LIMD1: variants seen among roughly 807,000 people sequenced by gnomAD.
LIMD1 encodes LIM domain containing 1, also known as LIM domain-containing protein 1.
A neutral mutation model predicts 58.4 loss-of-function variants in LIMD1; 23 were observed. The observed-to-expected ratio is 0.39, with a 90% CI of 0.28 to 0.56. The LOEUF is 0.56. Ranked by LOEUF, LIMD1 falls within the 20% of genes least tolerant of loss-of-function variation. The probability of loss-of-function intolerance (pLI) is 0.57; values close to 1 mark genes in which losing one functional copy is unlikely to be tolerated. For synonymous variants in LIMD1, 334 were observed against 345.5 expected (o/e 0.97, Z 0.37); for missense variants, 838 against 855.5 (o/e 0.98, Z 0.25).
intron 1 of LIMD1, among the ~76,000 whole-genome samples, 200 bp downstream of exon 1, chr3:45,596,487 G>A (rs554676959): frequency 6.6e-6 from 1 of 152,292 alleles, no homozygotes; most frequent in South Asian, 2.1e-4. Flanking sequence ...GGCAGAAAGC[G>A]GACCTTGCAG....
At position 45,679,886 on chromosome 3, in the gene LIMD1, A is replaced by C. The variant is rs1697717822; in HGVS notation, c.*2827A>C. 6.6e-6 allele frequency: 1 copy of C among 151,762 alleles called. No individual in the cohort carries two copies. The allele number at this position is 151,762 out of a possible 1,614,324, so 9.4% of individuals were successfully genotyped here. On this transcript the variant is annotated 3_prime_UTR_variant, in exon 8 of 8. Transcript: ENST00000273317. ...TCACCACAGAAGGGCATTTAGTCCTACCCAGCCATCGGCTGCGTATGACAG... is the reference window on the plus strand; with the variant it reads ...TCACCACAGAAGGGCATTTAGTCCTCCCCAGCCATCGGCTGCGTATGACAG...
At chr3:45,638,825 A>C (rs1322811097) in intron 2 of LIMD1, among the ~76,000 whole-genome samples, 2 of 152,134 alleles carry the variant, frequency 1.3e-5, no homozygotes, top group Admixed American at 6.5e-5. Flanking sequence ...TTGACTTTTT[A>C]ATAATGGCCA....
chr3:45,664,058 A>G (rs1697480570), intron 2 of LIMD1, among the ~76,000 whole-genome samples: 1 of 151,706 alleles, frequency 6.6e-6, no homozygotes, highest in African/African-American at 2.4e-5. Flanking sequence ...TTTAGTAGAG[A>G]TGGGGTTTCA....
At chr3:45,607,977 C>T (rs1701484835) in intron 1 of LIMD1, among the ~76,000 whole-genome samples, 2 of 152,236 alleles carry the variant, frequency 1.3e-5, no homozygotes, top group African/African-American at 4.8e-5. Context: ...GTTCCCTCCC[C>T]TCCTGCTACC....
intron 1 of LIMD1, among the ~76,000 whole-genome samples, chr3:45,625,004 CTT>C (rs1701657050): frequency 6.6e-6 from 1 of 150,868 alleles, no homozygotes; most frequent in Non-Finnish European, 1.5e-5. Context: ...TTCAGGGTAA[CTT>C]ATTTCACGTG....
chr3:45,685,280 G>A lies in LIMD1; in HGVS notation c.*8221G>A, dbSNP rs1324002781. On this transcript the variant is annotated 3_prime_UTR_variant, in exon 8 of 8. Transcript: ENST00000273317. ...TGGCCTTTAAAAACCCCAGAAGAAT[G>A]GGGTTTCTGCCAGATTATTTTCTGG... is the stretch of plus-strand genomic sequence containing the variant. 2.6e-5 allele frequency: 4 copies of A among 152,150 alleles called. No individual in the cohort carries two copies. Among genetic ancestry groups the A allele is most frequent in the Admixed American group, 6.5e-5 (1 of 15,284 alleles). The allele number at this position is 152,150 out of a possible 1,614,324, so 9.4% of individuals were successfully genotyped here.
chr3:45,663,868 A>ATTTTTTTTTTTTTTTTTTTTT lies in LIMD1; in HGVS notation c.1511-1762_1511-1761insTTTTTTTTTTTTTTTTTTTTT, dbSNP rs553757543. Reference sequence around the variant, plus strand: ...TAGTGCGTGGCACCATGCCTGGCTAATTTTTTTTTTTTTTTTTTTTGAGAC... The same window carrying ATTTTTTTTTTTTTTTTTTTTT: ...TAGTGCGTGGCACCATGCCTGGCTAATTTTTTTTTTTTTTTTTTTTTTTTTTTTTTTTTTTTTTTTTGAGAC... On this transcript the variant is annotated intron_variant, in intron 2 of 7. Transcript: ENST00000273317. 8.8e-4 allele frequency among the ~76,000 whole-genome samples: 91 copies of ATTTTTTTTTTTTTTTTTTTTT among 102,842 alleles called. 2 individuals are homozygous for ATTTTTTTTTTTTTTTTTTTTT. The highest frequency in any genetic ancestry group is 2.6e-3 in the African/African-American group (61 of 23,344). 67.5% of individuals were successfully genotyped at this position (102,842 alleles called of 152,430 possible).
rs950794863 is a variant in LIMD1 at position 45,684,971 on chromosome 3, C to T, written c.*7912C>T. ...TAAAAGAAAAGCCTTACCAAGGACT[C>T]CTGTACCCTATCTGCCTAAATTTTT... On this transcript the variant is annotated 3_prime_UTR_variant, in exon 8 of 8. Transcript: ENST00000273317. 6.6e-6 allele frequency: 1 copy of T among 152,156 alleles called. No homozygotes were observed. Among genetic ancestry groups the T allele is most frequent in the Admixed American group, 6.5e-5 (1 of 15,286 alleles). 9.4% of individuals were successfully genotyped at this position (152,156 alleles called of 1,614,324 possible). A position where few individuals can be genotyped will look rare whatever the true frequency, so the allele number is the denominator to read the frequency against.
chr3:45,650,432 A>C (rs1701955947), intron 2 of LIMD1, among the ~76,000 whole-genome samples: 1 of 151,994 alleles, frequency 6.6e-6, no homozygotes, highest in Non-Finnish European at 1.5e-5. Flanking sequence ...GGCTTACTGT[A>C]CCCATAAACT....
chr3:45,615,438 G>A (rs1251433780), intron 1 of LIMD1, among the ~76,000 whole-genome samples: 1 of 152,118 alleles, frequency 6.6e-6, no homozygotes, highest in Non-Finnish European at 1.5e-5. Context: ...CTGGGTTTTA[G>A]TGTAACCATC....
chr3:45,642,607 T>C (rs1701855139), intron 2 of LIMD1, among the ~76,000 whole-genome samples: 1 of 152,256 alleles, frequency 6.6e-6, no homozygotes, highest in South Asian at 2.1e-4. Flanking sequence ...GATCATAGTA[T>C]ATAAACAATG....
intron 2 of LIMD1, among the ~76,000 whole-genome samples, chr3:45,646,222 G>T (rs1378366604): frequency 6.6e-6 from 1 of 152,214 alleles, no homozygotes; most frequent in Non-Finnish European, 1.5e-5. Context: ...GTGCCCAGGG[G>T]CAGGTGGCCA....
In LIMD1 at chr3:45,594,838, CACACACG is replaced by C; in HGVS notation, c.-41_-35del. Reference sequence around the variant, plus strand: ...ACACACACACACACACACACACACACACACACGGCACCTGGGCTAGGCCCGGACACCT... The same window carrying C: ...ACACACACACACACACACACACACACGCACCTGGGCTAGGCCCGGACACCT... On this transcript the variant is annotated 5_prime_UTR_variant, in exon 1 of 8. Transcript: ENST00000273317. 7.9e-7 allele frequency: 1 copy of C among 1,272,752 alleles called. No individual in the cohort carries two copies. The allele number at this position is 1,272,752 out of a possible 1,614,324, so 78.8% of individuals were successfully genotyped here. A position where few individuals can be genotyped will look rare whatever the true frequency, so the allele number is the denominator to read the frequency against.
chr3:45,614,016 T>G (rs905401215), intron 1 of LIMD1, among the ~76,000 whole-genome samples: 32 of 152,186 alleles, frequency 2.1e-4, no homozygotes, highest in African/African-American at 7.2e-4. Context: ...GCTTTACTTG[T>G]TGCTTTCTAA....
At chr3:45,600,043 G>T (rs1188607568) in intron 1 of LIMD1, among the ~76,000 whole-genome samples, 1 of 152,158 alleles carries the variant, frequency 6.6e-6, no homozygotes, top group Non-Finnish European at 1.5e-5. Context: ...ACAGCTGAGG[G>T]GCTCCCTCCC....
At chr3:45,609,479 G>A (rs1701502733) in intron 1 of LIMD1, among the ~76,000 whole-genome samples, 1 of 152,140 alleles carries the variant, frequency 6.6e-6, no homozygotes, top group Non-Finnish European at 1.5e-5. Flanking sequence ...AGGTAGCTGG[G>A]ATACAGGCAT....
chr3:45,665,532 A>G (rs1275760297), intron 2 of LIMD1, 118 bp from the exon 3 acceptor site: 2 of 738,480 alleles, frequency 2.7e-6, no homozygotes, highest in Non-Finnish European at 4.6e-6. Flanking sequence ...TGTCATTGAC[A>G]GTTGGCGGTT....
chr3:45,615,576 A>T lies in LIMD1; in HGVS notation c.1408+19289A>T, dbSNP rs113322790. Among the ~76,000 whole-genome samples, 282 of 152,206 alleles carry T rather than the reference A, an allele frequency of 1.9e-3. 6 individuals carry two copies. Among genetic ancestry groups the T allele is most frequent in the African/African-American group, 6.4e-3 (266 of 41,528 alleles). On this transcript the variant is annotated intron_variant, in intron 1 of 7. Coordinates refer to ENST00000273317, the MANE Select transcript of LIMD1 (RefSeq NM_014240.3). ...GTTGAGGCTGCCTGGGCCACATGGC[A>T]AAACCCCATCTCTACTAAAAATGCG...
chr3:45,667,087 A>T (rs182007108), intron 3 of LIMD1, among the ~76,000 whole-genome samples: 3 of 152,168 alleles, frequency 2.0e-5, no homozygotes, highest in African/African-American at 7.2e-5. Context: ...CTCAGGTCCT[A>T]TGTGATGGCC....
Sources: allele counts gnomAD v4.1 joint callset (sites outside exome capture counted in the v4.1 genomes callset), GRCh38; gene constraint gnomAD v4.1.1; transcripts MANE v1.5; gene names NCBI Gene and HGNC (gene_info 2026-07-23, HGNC 2026-07-21).